AGBL1: variants seen among roughly 807,000 people sequenced by gnomAD.
AGBL1 encodes cytosolic carboxypeptidase 4.
In AGBL1, 130 loss-of-function variants were observed where a neutral mutation model predicts 118.9. The observed-to-expected ratio is 1.09, with a 90% CI of 0.95 to 1.26. The LOEUF is 1.26. Among genes scored for constraint, AGBL1 ranks in the 50% most tolerant of loss-of-function variants. The pLI is 0.00. For missense variants in AGBL1, 1,584 were observed against 1,298.1 expected, an observed-to-expected ratio of 1.22 and a Z score of -3.38; for synonymous variants, 555 against 478.9, an observed-to-expected ratio of 1.16 and a Z score of -2.08.
chr15:86,593,184 T>A (rs1185586508), intron 21 of AGBL1, among the ~76,000 whole-genome samples: 3 of 152,180 alleles, frequency 2.0e-5, no homozygotes, highest in East Asian at 3.8e-4. Context: ...TTTTGACATG[T>A]CCTTATTCTG....
intron 6 of AGBL1, among the ~76,000 whole-genome samples, chr15:86,245,674 G>A (rs980656019): frequency 7.9e-5 from 12 of 152,156 alleles, no homozygotes; most frequent in Non-Finnish European, 2.9e-5. Flanking sequence ...GTCCCAAACA[G>A]GAATATTGAA....
At chr15:86,966,136 C>T (rs192463041) in intron 23 of AGBL1, among the ~76,000 whole-genome samples, 1 of 151,932 alleles carries the variant, frequency 6.6e-6, no homozygotes, top group Non-Finnish European at 1.5e-5. Context: ...ACTGAAAACG[C>T]CTTTTCAAAA....
intron 5 of AGBL1, among the ~76,000 whole-genome samples, chr15:86,211,628 G>T (rs564172468): frequency 2.6e-5 from 4 of 152,232 alleles, no homozygotes; most frequent in African/African-American, 7.2e-5. Flanking sequence ...GGATCTGTGG[G>T]TATGGGACTT....
At chr15:86,672,885 C>G (rs1191286619) in intron 21 of AGBL1, among the ~76,000 whole-genome samples, 1 of 152,138 alleles carries the variant, frequency 6.6e-6, no homozygotes, top group East Asian at 1.9e-4. Context: ...GATTTTCAAA[C>G]AGCTGAAATA....
At chr15:86,336,371 G>T (rs1555468443) in intron 17 of AGBL1, among the ~76,000 whole-genome samples, 2 of 152,194 alleles carry the variant, frequency 1.3e-5, no homozygotes, top group Non-Finnish European at 2.9e-5. Flanking sequence ...CGCCCCTGAG[G>T]TTTCGCTGAT....
intron 24 of AGBL1, among the ~76,000 whole-genome samples, chr15:87,009,803 A>G (rs571638150): frequency 5.3e-4 from 80 of 152,278 alleles, no homozygotes; most frequent in African/African-American, 1.4e-3. Flanking sequence ...TGACTGCCCC[A>G]CTGGATTTTG....
chr15:86,937,902 G>A (rs1229616535), intron 23 of AGBL1, among the ~76,000 whole-genome samples: 18 of 152,352 alleles, frequency 1.2e-4, no homozygotes, highest in Admixed American at 7.8e-4. Context: ...CAGCCTGGAC[G>A]TAAAGCATGC....
At chr15:86,565,516 C>A (rs546491741) in intron 21 of AGBL1, among the ~76,000 whole-genome samples, 127 of 152,324 alleles carry the variant, frequency 8.3e-4, no homozygotes, top group Admixed American at 2.9e-3. Flanking sequence ...GGGTACCCAG[C>A]CATGTGACGT....
At chr15:86,600,721 A>T (rs2084479533) in intron 21 of AGBL1, among the ~76,000 whole-genome samples, 1 of 152,046 alleles carries the variant, frequency 6.6e-6, no homozygotes, top group East Asian at 1.9e-4. Context: ...TGCTTTTCCT[A>T]CCCTTACCCT....
chr15:86,147,821 C>G (rs1014604182), intron 3 of AGBL1, among the ~76,000 whole-genome samples: 1 of 152,202 alleles, frequency 6.6e-6, no homozygotes, highest in Admixed American at 6.5e-5. Flanking sequence ...GTCCCTGACC[C>G]CCATGTAGCC....
chr15:86,698,792 C>G (rs970950752), intron 22 of AGBL1, among the ~76,000 whole-genome samples: 5 of 151,872 alleles, frequency 3.3e-5, no homozygotes, highest in Admixed American at 1.3e-4. Flanking sequence ...CGTGAAATGC[C>G]ATTCTGAGAT....
At chr15:86,934,842 C>A (rs1267147310) in intron 23 of AGBL1, among the ~76,000 whole-genome samples, 1 of 152,084 alleles carries the variant, frequency 6.6e-6, no homozygotes, top group Non-Finnish European at 1.5e-5. Context: ...CCAAAATAAC[C>A]TCTACATATA....
intron 18 of AGBL1, among the ~76,000 whole-genome samples, chr15:86,483,478 T>G (rs1220319322): frequency 6.6e-6 from 1 of 152,108 alleles, no homozygotes; most frequent in Admixed American, 6.6e-5. Flanking sequence ...ATGAGGCTTG[T>G]CTGACCTCCC....
intron 22 of AGBL1, among the ~76,000 whole-genome samples, chr15:86,707,692 A>C (rs934333721): frequency 6.6e-6 from 1 of 152,156 alleles, no homozygotes; most frequent in African/African-American, 2.4e-5. Flanking sequence ...CTTTCTTTAT[A>C]AAATATTGAA....
At chr15:86,374,267 G>C (rs2081007185) in intron 17 of AGBL1, among the ~76,000 whole-genome samples, 2 of 152,218 alleles carry the variant, frequency 1.3e-5, no homozygotes, top group African/African-American at 4.8e-5. Flanking sequence ...ATCTTAGTGA[G>C]GAAACGTCTG....
intron 6 of AGBL1, among the ~76,000 whole-genome samples, chr15:86,229,275 T>C (rs2078417685): frequency 6.6e-6 from 1 of 152,082 alleles, no homozygotes; most frequent in Admixed American, 6.6e-5. Flanking sequence ...ATTGACTCAG[T>C]TTTGCAGGGC....
chr15:86,089,516 T>G (rs1895884097), intron 1 of AGBL1, among the ~76,000 whole-genome samples: 1 of 152,216 alleles, frequency 6.6e-6, no homozygotes, highest in Non-Finnish European at 1.5e-5. Context: ...GCTTCAGGTT[T>G]CACATTAAAG....
At chr15:86,417,840 C>A (rs141668525) in intron 18 of AGBL1, among the ~76,000 whole-genome samples, 1 of 152,158 alleles carries the variant, frequency 6.6e-6, no homozygotes, top group African/African-American at 2.4e-5. Context: ...ATTCTGAAAA[C>A]CAAATTGCTA....
intron 22 of AGBL1, among the ~76,000 whole-genome samples, chr15:86,777,779 T>G (rs191774639): frequency 2.6e-5 from 4 of 152,336 alleles, no homozygotes; most frequent in African/African-American, 9.6e-5. Flanking sequence ...TCTGTTTTTT[T>G]CTTTTAATTT....
Sources: allele counts gnomAD v4.1 joint callset (sites outside exome capture counted in the v4.1 genomes callset), GRCh38; gene constraint gnomAD v4.1.1; transcripts MANE v1.5; gene names NCBI Gene and HGNC (gene_info 2026-07-23, HGNC 2026-07-21).